SCMH1: variants seen among roughly 807,000 people sequenced by gnomAD.
The protein encoded by SCMH1 is Scm polycomb group protein homolog 1.
In SCMH1, 37 loss-of-function variants were observed where a neutral mutation model predicts 70.8. The observed-to-expected ratio is 0.52, with a 90% confidence interval of 0.40 to 0.69. SCMH1 has a LOEUF of 0.69. Among genes scored for constraint, SCMH1 ranks in the 30% least tolerant of loss-of-function variants. The pLI, the probability that SCMH1 is intolerant of heterozygous loss-of-function variation, is 0.00. For missense variants in SCMH1, 607 were observed against 827.3 expected (o/e 0.73, Z 3.27); for synonymous variants, 292 against 307.4 (o/e 0.95, Z 0.52).
intron 8 of SCMH1, among the ~76,000 whole-genome samples, chr1:41,078,380 C>G (rs1332184528): frequency 6.6e-6 from 1 of 151,994 alleles, no homozygotes; most frequent in Non-Finnish European, 1.5e-5. Context: ...AGACATCAAC[C>G]CACAGATTCA....
chr1:41,215,728 T>G (rs1271869777), intron 1 of SCMH1, among the ~76,000 whole-genome samples: 2 of 152,164 alleles, frequency 1.3e-5, no homozygotes, highest in Non-Finnish European at 2.9e-5. Context: ...GACCCATACT[T>G]ATGGCATTTA....
At chr1:41,033,549 A>C (rs952179237) in intron 13 of SCMH1, among the ~76,000 whole-genome samples, 1 of 152,142 alleles carries the variant, frequency 6.6e-6, no homozygotes, top group Non-Finnish European at 1.5e-5. Flanking sequence ...AGCCTATGGC[A>C]AAGCTCTCCC....
intron 5 of SCMH1, among the ~76,000 whole-genome samples, chr1:41,146,079 C>T (rs1328341819): frequency 1.3e-5 from 2 of 152,082 alleles, no homozygotes; most frequent in Non-Finnish European, 2.9e-5. Context: ...GATTACAGCT[C>T]CATCCATGCA....
At chr1:41,096,446 T>C (rs557776325) in intron 8 of SCMH1, among the ~76,000 whole-genome samples, 51 of 152,330 alleles carry the variant, frequency 3.3e-4, no homozygotes, top group African/African-American at 1.2e-3. Flanking sequence ...CTACAGATTA[T>C]TGTCAAGATT....
intron 6 of SCMH1, among the ~76,000 whole-genome samples, chr1:41,138,728 C>A (rs1483447034): frequency 6.6e-6 from 1 of 152,004 alleles, no homozygotes; most frequent in Non-Finnish European, 1.5e-5. Context: ...TTTTTCATAT[C>A]TGCCAAGACT....
chr1:41,134,901 T>A (rs1452911641), intron 6 of SCMH1, among the ~76,000 whole-genome samples: 2 of 152,178 alleles, frequency 1.3e-5, no homozygotes, highest in Non-Finnish European at 2.9e-5. Flanking sequence ...TCTGGTTTAT[T>A]ATTTTTTTTT....
chr1:41,230,488 T>C (rs951044598), intron 1 of SCMH1, among the ~76,000 whole-genome samples: 7 of 151,940 alleles, frequency 4.6e-5, no homozygotes, highest in African/African-American at 1.7e-4. Flanking sequence ...ACTTTATCCC[T>C]ATAAAATAAA....
chr1:41,205,775 C>T (rs1429585321), intron 1 of SCMH1, among the ~76,000 whole-genome samples: 2 of 152,250 alleles, frequency 1.3e-5, no homozygotes, highest in African/African-American at 2.4e-5. Flanking sequence ...CAGTAGGGGC[C>T]GACTGACACC....
chr1:41,174,049 T>C (rs1646958259), intron 2 of SCMH1, among the ~76,000 whole-genome samples: 1 of 152,144 alleles, frequency 6.6e-6, no homozygotes. Flanking sequence ...TAATGAGAAC[T>C]TATTATGTAT....
intron 1 of SCMH1, among the ~76,000 whole-genome samples, chr1:41,226,066 TTTG>T (rs1236576055): frequency 3.9e-5 from 6 of 152,218 alleles, no homozygotes; most frequent in Admixed American, 3.3e-4. Flanking sequence ...AAGCAAAATG[TTTG>T]TTACCTGTTT....
At chr1:41,055,142 A>T (rs981861752) in intron 10 of SCMH1, among the ~76,000 whole-genome samples, 1 of 152,216 alleles carries the variant, frequency 6.6e-6, no homozygotes, top group Non-Finnish European at 1.5e-5. Flanking sequence ...AGCTTGGACT[A>T]AAAGCAAGAA....
chr1:41,115,561 C>T (rs549931259), intron 7 of SCMH1, among the ~76,000 whole-genome samples: 26 of 152,276 alleles, frequency 1.7e-4, no homozygotes, highest in African/African-American at 6.0e-4. Flanking sequence ...CCTCGGTCTC[C>T]CAAGTAGCTG....
intron 13 of SCMH1, among the ~76,000 whole-genome samples, chr1:41,034,917 C>T (rs892707178): frequency 6.6e-6 from 1 of 152,216 alleles, no homozygotes; most frequent in Non-Finnish European, 1.5e-5. Context: ...CCCACTGTTC[C>T]ACCCCAACTC....
intron 8 of SCMH1, among the ~76,000 whole-genome samples, chr1:41,088,652 T>C (rs896995297): frequency 2.0e-5 from 3 of 152,146 alleles, no homozygotes; most frequent in Non-Finnish European, 2.9e-5. Flanking sequence ...ACAACTGTGT[T>C]TTAAATGAAT....
exon 14 of SCMH1, chr1:41,028,682 C>T (rs957935145): frequency 8.1e-6 from 13 of 1,614,060 alleles, no homozygotes; most frequent in Non-Finnish European, 1.1e-5. Context: ...GGGTCCCGGC[C>T]ACTCAGTCGA....
chr1:41,162,616 GA>G (rs1247370962), intron 2 of SCMH1, among the ~76,000 whole-genome samples: 1 of 152,036 alleles, frequency 6.6e-6, no homozygotes, highest in Non-Finnish European at 1.5e-5. Flanking sequence ...CCTCTTTGCT[GA>G]GAGCTGCAGA....
intron 12 of SCMH1, chr1:41,043,207 C>T (rs1226670137): frequency 6.6e-6 from 1 of 152,112 alleles, no homozygotes; most frequent in Middle Eastern, 3.4e-3. Flanking sequence ...AATTCTCCTG[C>T]CTCAGCCTCC....
intron 13 of SCMH1, among the ~76,000 whole-genome samples, chr1:41,031,825 A>G (rs1249587251): frequency 6.6e-6 from 1 of 152,192 alleles, no homozygotes; most frequent in African/African-American, 2.4e-5. Flanking sequence ...TACATACATG[A>G]TATTATACAC....
chr1:41,242,224 G>GGGGGC (rs1311106627), upstream of SCMH1: 24 of 145,940 alleles, frequency 1.6e-4, no homozygotes, highest in Non-Finnish European at 3.1e-4. This position sits in a 1 kb window ranked among gnomAD's most constrained non-coding sequence, Gnocchi z 5.2. Context: ...GGCTGAGGCG[G>GGGGGC]GGGGCGGGGC....
Sources: gnomAD v4.1 joint callset for allele counts (sites outside exome capture counted in the v4.1 genomes callset) on GRCh38, gnomAD v4.1.1 for gene constraint, Gnocchi (gnomAD v3.1) non-coding constraint, MANE v1.5 for transcripts, NCBI Gene and HGNC (gene_info 2026-07-23, HGNC 2026-07-21) for gene names.